Variants in NPTX1 observed in about 807,000 individuals in gnomAD.
NPTX1 encodes neuronal pentraxin-1.
In NPTX1, 12 loss-of-function variants were observed where a neutral mutation model predicts 38.7. The observed-to-expected ratio is 0.31, with a 90% CI of 0.20 to 0.50. The LOEUF (loss-of-function observed/expected upper bound fraction) is 0.50, where lower values mean the gene tolerates loss of function less well. Ranked by LOEUF, NPTX1 falls within the 20% of genes least tolerant of loss-of-function variation. NPTX1 has a pLI of 0.98. For missense variants in NPTX1, 454 were observed against 592.2 expected (o/e 0.77, Z 2.42); for synonymous variants, 272 against 264.9 (o/e 1.03, Z -0.26).
In NPTX1 at chr17:80,476,526, G is replaced by T; in HGVS notation, c.-80C>A. On this transcript the variant is annotated 5_prime_UTR_variant, in exon 1 of 5. Coordinates refer to ENST00000306773, the MANE Select transcript of NPTX1 (RefSeq NM_002522.4). This position sits in a 1 kb window ranked among gnomAD's most constrained non-coding sequence, Gnocchi z 6.3. ...CGGCTGGGACCCGGCTCGGGCTGTG[G>T]CTCCGCGAGCGGCCCGCGCTCTGGG... 1 of 813,250 alleles carries T rather than the reference G, an allele frequency of 1.2e-6. No individual in the cohort carries two copies. Among genetic ancestry groups the T allele is most frequent in the Non-Finnish European group, 1.5e-6 (1 of 664,160 alleles). The allele number at this position is 813,250 out of a possible 1,614,324, so 50.4% of individuals were successfully genotyped here. A position where few individuals can be genotyped will look rare whatever the true frequency, so the allele number is the denominator to read the frequency against.
In NPTX1 at chr17:80,473,392, C is replaced by T; in HGVS notation, c.705G>A (p.Arg235=). The change falls in exon 3 of 5, where the codon CGG becomes CGA. Residue 235 remains arginine, a synonymous_variant. Transcript: ENST00000306773. ...TCACCTTGGCATACATATAGTTGGT[C>T]CGCAGTGGGAATGTGAGCTGGAACT... The part of the protein sequence containing the change: ...GDKFQLTFPL[R]TNYMYAKVKK... 1 of 1,614,028 alleles carries T rather than the reference C, an allele frequency of 6.2e-7. No homozygotes were observed. The highest frequency in any genetic ancestry group is 1.1e-5 in the South Asian group (1 of 91,066).
Position 80,473,464 on chromosome 17 carries a change from G to C in NPTX1, c.653-20C>G. The C allele has an allele frequency of 6.2e-7, 1 of 1,612,730 alleles. No individual in the cohort carries two copies. The highest frequency in any genetic ancestry group is 8.5e-7 in the Non-Finnish European group (1 of 1,179,420). On this transcript the variant is annotated intron_variant, in intron 2 of 4. Transcript: ENST00000306773. Reference sequence around the variant, plus strand: ...TCTGACCTGCGGAAGACACAGTCCTGACATCTGCACCTGCGTGAAGTGCTT... The same window carrying C: ...TCTGACCTGCGGAAGACACAGTCCTCACATCTGCACCTGCGTGAAGTGCTT...
chr17:80,472,569 G>A (rs2083848357), intron 3 of NPTX1, among the ~76,000 whole-genome samples: 1 of 152,224 alleles, frequency 6.6e-6, no homozygotes, highest in African/African-American at 2.4e-5. Flanking sequence ...TTGTGGGGAA[G>A]AGCAACAGGA....
rs2083838303 is a variant in NPTX1 at position 80,470,908 on chromosome 17, G to A, written c.1204C>T (p.Leu402=). 2 of 1,613,710 alleles carry A rather than the reference G, an allele frequency of 1.2e-6. No homozygotes were observed. The highest frequency in any genetic ancestry group is 2.2e-5 in the South Asian group (2 of 91,070). The change falls in exon 5 of 5, where the codon CTG becomes TTG. Residue 402 remains leucine (L), a synonymous_variant. Transcript: ENST00000306773. ...GCCCAGGCGATGACATTGCCGGACA[G>A]AGCCTTGGTGCTGCAGGTGGCCAGG... ...YNLATCSTKA[L]SGNVIAWAES...
chr17:80,471,110 G>T, intron 4 of NPTX1, 76 bp from the exon 5 acceptor site: 3 of 1,171,572 alleles, frequency 2.6e-6, no homozygotes, highest in Non-Finnish European at 3.6e-6. Flanking sequence ...CCGGGGATCT[G>T]AGTGCCTCTG....
In NPTX1 at chr17:80,476,138, C is replaced by A; in HGVS notation, c.309G>T (p.Arg103=). The A allele has an allele frequency of 6.3e-7, 1 of 1,596,354 alleles. No homozygotes were observed. The change falls in exon 1 of 5, where the codon CGG becomes CGT. Residue 103 remains arginine, a synonymous_variant. Coordinates refer to ENST00000306773, the MANE Select transcript of NPTX1 (RefSeq NM_002522.4). This position sits in a 1 kb window ranked among gnomAD's most constrained non-coding sequence, Gnocchi z 6.3. ...CGGGCTGCTTGCGGCCGCCGCCCGC[C>A]CGGGCCTCGCCGGCTCCGGGGTCCA... The part of the protein sequence containing the change: ...STLDPGAGEA[R]AGGGRKQPGS...
At chr17:80,473,711 G>T in intron 2 of NPTX1, 4 of 493,750 alleles carry the variant, frequency 8.1e-6, no homozygotes, top group Non-Finnish European at 1.5e-5. Flanking sequence ...AGATGGGGGT[G>T]GGGGGCAGTG....
At position 80,475,462 on chromosome 17, in the gene NPTX1, C is replaced by T. The variant is rs778209737; in HGVS notation, c.652+49G>A. The T allele has an allele frequency of 5.4e-5, 81 of 1,513,786 alleles. No individual in the cohort carries two copies. Among genetic ancestry groups the T allele is most frequent in the Admixed American group, 1.4e-4 (8 of 58,442 alleles). 93.8% of individuals were successfully genotyped at this position (1,513,786 alleles called of 1,614,324 possible). A position where few individuals can be genotyped will look rare whatever the true frequency, so the allele number is the denominator to read the frequency against. ...TTAGGGATCGGGACCGAGGCAGGGT[C>T]GGGCAAGCAGGTGCAGGCAGGCAGC... On this transcript the variant is annotated intron_variant, in intron 2 of 4. Coordinates refer to ENST00000306773, the MANE Select transcript of NPTX1 (RefSeq NM_002522.4). The surrounding 1 kb of genome is among the most constrained non-coding windows in gnomAD (Gnocchi z 6.5).
In NPTX1 at chr17:80,468,416, G is replaced by A. The variant is rs906450474; in HGVS notation, c.*2397C>T. The A allele has an allele frequency of 1.3e-5, 2 of 152,356 alleles. No homozygotes were observed. The highest frequency in any genetic ancestry group is 4.8e-5 in the African/African-American group (2 of 41,468). The allele number at this position is 152,356 out of a possible 1,614,324, so 9.4% of individuals were successfully genotyped here. On this transcript the variant is annotated 3_prime_UTR_variant, in exon 5 of 5. Transcript: ENST00000306773. The stretch of plus-strand genomic sequence containing the variant: ...GGACAGCTCCCACCTGGCCCACGGG[G>A]GCAGAAGGTGGTCTGCGGTCCAGTA...
Position 80,470,727 on chromosome 17 carries a change from A to G in NPTX1, c.*86T>C. 1 of 968,470 alleles carries G rather than the reference A, an allele frequency of 1.0e-6. No individual in the cohort carries two copies. The allele number at this position is 968,470 out of a possible 1,614,324, so 60.0% of individuals were successfully genotyped here. ...CGACGGCCTCGGTTCATTCCTGGGGAAAAGGGAGAGAAGAGACGCACAAAA... is the reference window on the plus strand; with the variant it reads ...CGACGGCCTCGGTTCATTCCTGGGGGAAAGGGAGAGAAGAGACGCACAAAA... On this transcript the variant is annotated 3_prime_UTR_variant, in exon 5 of 5. Transcript: ENST00000306773.
At chr17:80,473,786 G>A (rs1021119992) in intron 2 of NPTX1, 5 of 313,628 alleles carry the variant, frequency 1.6e-5, no homozygotes, top group Non-Finnish European at 3.0e-5. Context: ...GGGGACAGCC[G>A]CCAAGCCAAG....
At position 80,473,893 on chromosome 17, in the gene NPTX1, T is replaced by C. The variant is rs189486041; in HGVS notation, c.653-449A>G. On this transcript the variant is annotated intron_variant, in intron 2 of 4. Coordinates refer to ENST00000306773, the MANE Select transcript of NPTX1 (RefSeq NM_002522.4). ...CCAGGATGGGGCGGGGCTCAGAGCCTCTCCTCGCTCAATCCCAGGCTCTGC... is the reference window on the plus strand; with the variant it reads ...CCAGGATGGGGCGGGGCTCAGAGCCCCTCCTCGCTCAATCCCAGGCTCTGC... 979 of 183,120 alleles carry C rather than the reference T, an allele frequency of 5.3e-3. 10 individuals carry two copies. Among genetic ancestry groups the C allele is most frequent in the African/African-American group, 0.022 (937 of 42,146 alleles). The allele number at this position is 183,120 out of a possible 1,614,324, so 11.3% of individuals were successfully genotyped here. A position where few individuals can be genotyped will look rare whatever the true frequency, so the allele number is the denominator to read the frequency against.
chr17:80,471,582 C>T, intron 4 of NPTX1, 150 bp downstream of exon 4: 1 of 1,281,916 alleles, frequency 7.8e-7, no homozygotes, highest in Non-Finnish European at 1.0e-6. Context: ...CATGTCCACC[C>T]AGGGCACAGG....
chr17:80,469,350 A>AGCCTGCTC lies in NPTX1; in HGVS notation c.*1455_*1462dup, dbSNP rs1364133429. On this transcript the variant is annotated 3_prime_UTR_variant, in exon 5 of 5. Coordinates refer to ENST00000306773, the MANE Select transcript of NPTX1 (RefSeq NM_002522.4). Reference sequence around the variant, plus strand: ...CTCCTACCCTGGGCAGGGCCTCCCGAGCCTGCTCTCTTTCTCACTTAGCGC... The same window carrying AGCCTGCTC: ...CTCCTACCCTGGGCAGGGCCTCCCGAGCCTGCTCGCCTGCTCTCTTTCTCACTTAGCGC... The AGCCTGCTC allele has an allele frequency of 6.6e-6, 1 of 152,152 alleles. No homozygotes were observed. The highest frequency in any genetic ancestry group is 1.5e-5 in the Non-Finnish European group (1 of 68,042). The allele number at this position is 152,152 out of a possible 1,614,324, so 9.4% of individuals were successfully genotyped here. A position where few individuals can be genotyped will look rare whatever the true frequency, so the allele number is the denominator to read the frequency against.
chr17:80,475,354 A>C lies in NPTX1; in HGVS notation c.652+157T>G, dbSNP rs1490003628. 6.6e-6 allele frequency among the ~76,000 whole-genome samples: 1 copy of C among 152,170 alleles called. No individual in the cohort carries two copies. Among genetic ancestry groups the C allele is most frequent in the African/African-American group, 2.4e-5 (1 of 41,440 alleles). ...ACCGACTAGAAGCCCAGAACCTGGG[A>C]AGGGGTGCGGGGAATGAGAAAGCGG... On this transcript the variant is annotated intron_variant, in intron 2 of 4. Transcript: ENST00000306773. This position sits in a 1 kb window ranked among gnomAD's most constrained non-coding sequence, Gnocchi z 6.5.
At position 80,475,974 on chromosome 17, in the gene NPTX1, G is replaced by A; in HGVS notation, c.444+29C>T. 3 of 1,573,280 alleles carry A rather than the reference G, an allele frequency of 1.9e-6. No individual in the cohort carries two copies. The highest frequency in any genetic ancestry group is 2.6e-6 in the Non-Finnish European group (3 of 1,150,094). On this transcript the variant is annotated intron_variant, in intron 1 of 4. Transcript: ENST00000306773. The surrounding 1 kb of genome is among the most constrained non-coding windows in gnomAD (Gnocchi z 6.5). The stretch of plus-strand genomic sequence containing the variant: ...GGCAGAGGGGCGAGCGAGCCGGAGG[G>A]GGAACCGGAGCCGAGGGCGCGCGCG...
rs956233121 is a variant in NPTX1 at position 80,476,602 on chromosome 17, A to T, written c.-156T>A. On this transcript the variant is annotated 5_prime_UTR_variant, in exon 1 of 5. Transcript: ENST00000306773. This position sits in a 1 kb window ranked among gnomAD's most constrained non-coding sequence, Gnocchi z 6.3. ...CACACCGCCGCGCTATCAGGCCCCC[A>T]CTGCCGCCTGCGCTGCGGAGCCCGC... 3 of 212,180 alleles carry T rather than the reference A, an allele frequency of 1.4e-5. No homozygotes were observed. Among genetic ancestry groups the T allele is most frequent in the Non-Finnish European group, 2.4e-5 (3 of 122,728 alleles). The allele number at this position is 212,180 out of a possible 1,614,324, so 13.1% of individuals were successfully genotyped here.
At position 80,467,591 on chromosome 17, in the gene NPTX1, C is replaced by T. The variant is rs983936180; in HGVS notation, c.*3222G>A. On this transcript the variant is annotated 3_prime_UTR_variant, in exon 5 of 5. Transcript: ENST00000306773. ...CAGCCTCTCCTCACCCCCTCACTGCCCACAAGACACCCCCTTGGTCTCAGG... is the reference window on the plus strand; with the variant it reads ...CAGCCTCTCCTCACCCCCTCACTGCTCACAAGACACCCCCTTGGTCTCAGG... The T allele has an allele frequency of 6.6e-6, 1 of 152,432 alleles. No homozygotes were observed. Among genetic ancestry groups the T allele is most frequent in the Non-Finnish European group, 1.5e-5 (1 of 68,024 alleles). 9.4% of individuals were successfully genotyped at this position (152,432 alleles called of 1,614,324 possible).
intron 3 of NPTX1, among the ~76,000 whole-genome samples, chr17:80,472,983 G>A (rs1217428808): frequency 2.0e-5 from 3 of 152,218 alleles, no homozygotes; most frequent in African/African-American, 7.2e-5. Context: ...GAGGCATCCG[G>A]GAAGGTCCAG....
Sources: gnomAD v4.1 joint callset for allele counts (sites outside exome capture counted in the v4.1 genomes callset) on GRCh38, gnomAD v4.1.1 for gene constraint, Gnocchi (gnomAD v3.1) non-coding constraint, MANE v1.5 for transcripts, NCBI Gene and HGNC (gene_info 2026-07-23, HGNC 2026-07-21) for gene names.